SPMIP2: variants seen among roughly 807,000 people sequenced by gnomAD.
SPMIP2 encodes sperm microtubule inner protein 2, also known as protein SPMIP2.
At chr4:158,974,476 G>T in the SPMIP2 span, among the ~76,000 whole-genome samples, 1 of 147,948 alleles carries the variant, frequency 6.8e-6, no homozygotes, top group Admixed American at 6.8e-5. Flanking sequence ...ACCCGCAACA[G>T]GCCCCCTTGT....
chr4:159,056,988 G>A, the SPMIP2 span, among the ~76,000 whole-genome samples: 7 of 152,108 alleles, frequency 4.6e-5, no homozygotes, highest in African/African-American at 9.7e-5. Context: ...ATTAGCACAC[G>A]GATGGGACTT....
the SPMIP2 span, among the ~76,000 whole-genome samples, chr4:158,970,771 A>T: frequency 2.6e-5 from 4 of 151,964 alleles, no homozygotes; most frequent in Non-Finnish European, 4.4e-5. Flanking sequence ...ATTGTTCAAG[A>T]TTGTTATCTG....
At chr4:158,919,949 T>C in the SPMIP2 span, among the ~76,000 whole-genome samples, 1 of 152,170 alleles carries the variant, frequency 6.6e-6, no homozygotes, top group Non-Finnish European at 1.5e-5. Flanking sequence ...AAGGAACTTG[T>C]TGGAGGTGGG....
At chr4:159,056,898 C>A in the SPMIP2 span, among the ~76,000 whole-genome samples, 2 of 152,308 alleles carry the variant, frequency 1.3e-5, no homozygotes, top group South Asian at 4.1e-4. Context: ...CAAATGAATT[C>A]TCATGTAATC....
At chr4:159,046,303 C>T in the SPMIP2 span, among the ~76,000 whole-genome samples, 29 of 152,066 alleles carry the variant, frequency 1.9e-4, no homozygotes, top group African/African-American at 6.3e-4. Context: ...ACAGAAGCCA[C>T]GGTTATTTTG....
chr4:158,918,220 A>G, the SPMIP2 span, among the ~76,000 whole-genome samples: 3 of 152,234 alleles, frequency 2.0e-5, no homozygotes, highest in Non-Finnish European at 4.4e-5. Context: ...AGGAAAGACC[A>G]GAACTGAGTG....
chr4:159,050,735 G>A, the SPMIP2 span, among the ~76,000 whole-genome samples: 2 of 151,696 alleles, frequency 1.3e-5, no homozygotes, highest in Non-Finnish European at 2.9e-5. Context: ...GTTCAAGGCT[G>A]CAGTGAGTTA....
chr4:159,072,388 G>A, the SPMIP2 span, among the ~76,000 whole-genome samples: 1 of 148,004 alleles, frequency 6.8e-6, no homozygotes, highest in African/African-American at 2.5e-5. Flanking sequence ...TCTCCTTTGT[G>A]TTTATTTCTT....
the SPMIP2 span, among the ~76,000 whole-genome samples, chr4:159,020,828 C>A: frequency 2.0e-5 from 3 of 152,286 alleles, no homozygotes; most frequent in East Asian, 5.8e-4. Flanking sequence ...GTGGCGCTAT[C>A]TCGGCTCACT....
chr4:158,951,450 A>C, the SPMIP2 span, among the ~76,000 whole-genome samples: 1 of 152,234 alleles, frequency 6.6e-6, no homozygotes, highest in Non-Finnish European at 1.5e-5. Context: ...CCAAACATAG[A>C]AAAGGTAAAC....
the SPMIP2 span, among the ~76,000 whole-genome samples, chr4:159,018,155 T>C: frequency 0.016 from 2,507 of 152,230 alleles, 63 homozygotes; most frequent in African/African-American, 0.058. Flanking sequence ...CCAGTGACAC[T>C]GAAGGAGGAG....
the SPMIP2 span, among the ~76,000 whole-genome samples, chr4:158,960,008 CT>C: frequency 5.9e-5 from 9 of 152,108 alleles, no homozygotes; most frequent in Non-Finnish European, 1.0e-4. Flanking sequence ...AGTTGCCATT[CT>C]TCATAGCTTC....
chr4:159,040,603 T>C, the SPMIP2 span, among the ~76,000 whole-genome samples: 1 of 152,014 alleles, frequency 6.6e-6, no homozygotes, highest in East Asian at 1.9e-4. Flanking sequence ...GTAGCTGAGA[T>C]TAGAGGTGTG....
At chr4:158,973,050 T>C in the SPMIP2 span, 14 of 1,371,180 alleles carry the variant, frequency 1.0e-5, no homozygotes, top group East Asian at 1.2e-4. Context: ...AACAGTATAC[T>C]ATGAAAAGCA....
the SPMIP2 span, among the ~76,000 whole-genome samples, chr4:159,033,905 T>C: frequency 6.6e-6 from 1 of 152,210 alleles, no homozygotes; most frequent in African/African-American, 2.4e-5. Context: ...GGTGGATCAC[T>C]TGAGGTCAGG....
the SPMIP2 span, among the ~76,000 whole-genome samples, chr4:158,996,887 C>T: frequency 1.3e-5 from 2 of 152,258 alleles, no homozygotes; most frequent in East Asian, 3.9e-4. Context: ...CAAGAGCTGG[C>T]AAGGGAACTG....
the SPMIP2 span, among the ~76,000 whole-genome samples, chr4:159,044,689 A>C: frequency 9.9e-5 from 15 of 152,174 alleles, no homozygotes; most frequent in Admixed American, 9.8e-4. Context: ...CCAGTCATCC[A>C]GGAGGAAAAG....
chr4:158,948,591 GTTT>G, the SPMIP2 span, among the ~76,000 whole-genome samples: 1 of 125,984 alleles, frequency 7.9e-6, no homozygotes, highest in Non-Finnish European at 1.8e-5. Flanking sequence ...TATGTGGTTT[GTTT>G]TTTTTTTTTT....
chr4:159,061,114 T>C, the SPMIP2 span, among the ~76,000 whole-genome samples: 2 of 148,216 alleles, frequency 1.3e-5, no homozygotes, highest in Non-Finnish European at 3.0e-5. Flanking sequence ...TATATACATA[T>C]ATATATATAT....
Sources: gnomAD v4.1 joint callset for allele counts (sites outside exome capture counted in the v4.1 genomes callset) on GRCh38, gnomAD v4.1.1 for gene constraint, MANE v1.5 for transcripts, NCBI Gene and HGNC (gene_info 2026-07-23, HGNC 2026-07-21) for gene names.